Variants in DGUOK observed in about 807,000 individuals in gnomAD.
The protein encoded by DGUOK is deoxyguanosine kinase, mitochondrial.
Under a neutral mutation model 36.6 loss-of-function variants are expected in DGUOK, and 30 were observed. The observed-to-expected ratio is 0.82, with a 90% CI of 0.61 to 1.11. DGUOK has a LOEUF of 1.11. Ranked by LOEUF, DGUOK falls within the 50% of genes most tolerant of loss-of-function variation. DGUOK has a pLI of 0.00. For synonymous variants in DGUOK, 145 were observed against 126.3 expected, an observed-to-expected ratio of 1.15 and a Z score of -0.99; for missense variants, 361 against 336.4, an observed-to-expected ratio of 1.07 and a Z score of -0.57.
rs1006073607 is a variant in DGUOK, at chr2:73,950,515, C to T, written c.444-70C>T. The T allele has an allele frequency of 1.2e-5, 18 of 1,541,966 alleles. No homozygotes were observed. In the Admixed American group the frequency reaches 2.8e-4, roughly 24 times the overall value. On this transcript the variant is annotated intron_variant, in intron 3 of 6. Coordinates refer to ENST00000264093, the MANE Select transcript of DGUOK (RefSeq NM_080916.3). ...TGGTTATTGATTTTTCTGCTTCTCT[C>T]TCTCTCTCGTGCCTTTCATTCCATT...
At chr2:73,932,078 T>G (rs527709439) in intron 1 of DGUOK, among the ~76,000 whole-genome samples, 2 of 152,252 alleles carry the variant, frequency 1.3e-5, no homozygotes, top group African/African-American at 2.4e-5. Context: ...AATATGTGCC[T>G]GAGGTCAAGA....
At chr2:73,953,277 G>C (rs180763436) in intron 4 of DGUOK, among the ~76,000 whole-genome samples, 153 of 147,228 alleles carry the variant, frequency 1.0e-3, no homozygotes, top group Middle Eastern at 3.4e-3. Context: ...TGATGATGAT[G>C]ATCATCATCA....
intron 4 of DGUOK, among the ~76,000 whole-genome samples, chr2:73,956,363 T>C (rs988491249): frequency 6.6e-6 from 1 of 152,270 alleles, no homozygotes; most frequent in Non-Finnish European, 1.5e-5. Flanking sequence ...CCTAACATTT[T>C]ATAAATGCAA....
At chr2:73,958,359 G>A in intron 6 of DGUOK, 114 bp downstream of exon 6, 1 of 801,290 alleles carries the variant, frequency 1.2e-6, no homozygotes, top group Non-Finnish European at 2.2e-6. Flanking sequence ...ATCTCACATT[G>A]CATTTCACAC....
intron 3 of DGUOK, among the ~76,000 whole-genome samples, chr2:73,947,396 A>G (rs1682412740): frequency 6.6e-6 from 1 of 152,188 alleles, no homozygotes; most frequent in Non-Finnish European, 1.5e-5. Flanking sequence ...ATGCTTAGGC[A>G]GAAATAGCAC....
At chr2:73,953,715 ACTT>A (rs1682870185) in intron 4 of DGUOK, among the ~76,000 whole-genome samples, 1 of 112,392 alleles carries the variant, frequency 8.9e-6, no homozygotes, top group South Asian at 3.1e-4. Context: ...TTCTTCCCTA[ACTT>A]CTTTTTTTTT....
intron 1 of DGUOK, among the ~76,000 whole-genome samples, chr2:73,930,594 C>G (rs937749351): frequency 6.6e-6 from 1 of 152,078 alleles, no homozygotes; most frequent in Non-Finnish European, 1.5e-5. Context: ...ATTTTCCTGA[C>G]TTTTGCTTCT....
Position 73,939,167 on chromosome 2 carries a change from C to T in DGUOK, c.255+145C>T, listed in dbSNP as rs1681714211. The T allele has an allele frequency of 5.9e-6, 4 of 679,368 alleles. No homozygotes were observed. The Admixed American group carries it at 6.4e-5, about 11-fold the overall frequency. The allele number at this position is 679,368 out of a possible 1,614,324, so 42.1% of individuals were successfully genotyped here. A position where few individuals can be genotyped will look rare whatever the true frequency, so the allele number is the denominator to read the frequency against. On this transcript the variant is annotated intron_variant, in intron 2 of 6. Coordinates refer to ENST00000264093, the MANE Select transcript of DGUOK (RefSeq NM_080916.3). ...CATTCCAGAAAGCAGACCACATACA[C>T]CAGAGAGGATATGACTTGTTTGAAT...
chr2:73,944,691 G>A (rs1682155265), intron 2 of DGUOK, among the ~76,000 whole-genome samples: 1 of 152,166 alleles, frequency 6.6e-6, no homozygotes, highest in Non-Finnish European at 1.5e-5. Context: ...AAATTGTGTT[G>A]GTTTCTTTTA....
At chr2:73,927,634 T>C (rs980344578) in intron 1 of DGUOK, among the ~76,000 whole-genome samples, 4 of 152,248 alleles carry the variant, frequency 2.6e-5, no homozygotes, top group African/African-American at 9.6e-5. Context: ...CCTGTGCTAG[T>C]TGCATAATAA....
chr2:73,955,251 G>T (rs1013726237), intron 4 of DGUOK, among the ~76,000 whole-genome samples: 4 of 152,150 alleles, frequency 2.6e-5, no homozygotes, highest in Non-Finnish European at 4.4e-5. Flanking sequence ...GAAACATAAA[G>T]TCACATTTTA....
At chr2:73,953,112 A>G (rs2104975480) in intron 4 of DGUOK, among the ~76,000 whole-genome samples, 1 of 152,234 alleles carries the variant, frequency 6.6e-6, no homozygotes, top group South Asian at 2.1e-4. Flanking sequence ...CATTCCGGCG[A>G]GAATTAACCC....
In DGUOK at chr2:73,958,912, C is replaced by T. The variant is rs1683339494; in HGVS notation, c.*176C>T. 4.8e-6 allele frequency: 3 copies of T among 629,532 alleles called. No homozygotes were observed. Among genetic ancestry groups the T allele is most frequent in the South Asian group, 1.9e-5 (1 of 52,848 alleles). The allele number at this position is 629,532 out of a possible 1,614,324, so 39.0% of individuals were successfully genotyped here. A position where few individuals can be genotyped will look rare whatever the true frequency, so the allele number is the denominator to read the frequency against. The stretch of plus-strand genomic sequence containing the variant: ...ACTTTGCCATTGTTTTCTTTTGTAC[C>T]TGAAGCATTTTGAAAATAAAGTTTA... On this transcript the variant is annotated 3_prime_UTR_variant, in exon 7 of 7. Transcript: ENST00000264093.
intron 3 of DGUOK, 89 bp downstream of exon 3, chr2:73,946,995 T>A: frequency 8.4e-7 from 1 of 1,193,022 alleles, no homozygotes; most frequent in Non-Finnish European, 1.2e-6. Flanking sequence ...CTATGGTCAC[T>A]GATGATTATA....
At chr2:73,930,186 G>C (rs1241467513) in intron 1 of DGUOK, among the ~76,000 whole-genome samples, 1 of 152,202 alleles carries the variant, frequency 6.6e-6, no homozygotes, top group Non-Finnish European at 1.5e-5. Flanking sequence ...TCTTTTGGTT[G>C]TGTCTGTTTT....
At chr2:73,932,625 G>A in intron 1 of DGUOK, 1 of 1,298,638 alleles carries the variant, frequency 7.7e-7, no homozygotes, top group South Asian at 1.2e-5. Context: ...ATCAGAATGA[G>A]AGCACCCATT....
At chr2:73,941,009 A>C (rs1165268317) in intron 2 of DGUOK, among the ~76,000 whole-genome samples, 1 of 152,236 alleles carries the variant, frequency 6.6e-6, no homozygotes, top group Admixed American at 6.5e-5. Context: ...CCTTGAATGC[A>C]GCTGGACTTT....
chr2:73,958,529 A>G (rs780743573), intron 6 of DGUOK, among the ~76,000 whole-genome samples, 181 bp from the exon 7 acceptor site: 5 of 152,270 alleles, frequency 3.3e-5, no homozygotes, highest in Non-Finnish European at 5.9e-5. Flanking sequence ...ACTGGATTCT[A>G]TTCCCAGCTC....
chr2:73,957,681 A>G (rs967849277), intron 5 of DGUOK, among the ~76,000 whole-genome samples: 2 of 152,230 alleles, frequency 1.3e-5, no homozygotes, highest in Non-Finnish European at 2.9e-5. Flanking sequence ...GAAGAAGTTT[A>G]ATATTGAATA....
Sources: allele counts gnomAD v4.1 joint callset (sites outside exome capture counted in the v4.1 genomes callset), GRCh38; gene constraint gnomAD v4.1.1; transcripts MANE v1.5; gene names NCBI Gene and HGNC (gene_info 2026-07-23, HGNC 2026-07-21).